The following MKX variants were observed in gnomAD, a reference collection of about 807,000 sequenced individuals.
MKX encodes homeobox protein Mohawk.
MKX carries 13 observed loss-of-function variants against 36.0 expected under a neutral mutation model. The observed-to-expected ratio is 0.36, with a 90% confidence interval of 0.24 to 0.57. The LOEUF is 0.57. MKX is among the 20% of genes least tolerant of loss of function. MKX has a pLI of 0.79. For missense variants in MKX, 458 were observed against 456.4 expected, an observed-to-expected ratio of 1.00 and a Z score of -0.03; for synonymous variants, 176 against 178.3, an observed-to-expected ratio of 0.99 and a Z score of 0.10.
At chr10:27,680,192 T>C (rs1836229526) in intron 5 of MKX, among the ~76,000 whole-genome samples, 1 of 152,162 alleles carries the variant, frequency 6.6e-6, no homozygotes. Context: ...CTATATCTCT[T>C]ACTCTGCAAG....
chr10:27,704,869 C>T (rs1836721028), intron 5 of MKX, among the ~76,000 whole-genome samples: 1 of 151,886 alleles, frequency 6.6e-6, no homozygotes, highest in Non-Finnish European at 1.5e-5. Context: ...AAAATGGCTA[C>T]ATAAGGAAAA....
At chr10:27,740,196 T>G (rs1324661568) in intron 3 of MKX, among the ~76,000 whole-genome samples, 1 of 152,212 alleles carries the variant, frequency 6.6e-6, no homozygotes, top group East Asian at 1.9e-4. Context: ...TAAAGGGAAA[T>G]TTTAAATACT....
intron 5 of MKX, among the ~76,000 whole-genome samples, chr10:27,697,524 T>C (rs1427671956): frequency 2.6e-5 from 4 of 152,198 alleles, no homozygotes; most frequent in Non-Finnish European, 4.4e-5. Context: ...AAATTGAGCC[T>C]CAGAGAAGCC....
In MKX at chr10:27,696,860, T is replaced by C. The variant is rs78352263; in HGVS notation, c.839-21306A>G. Among the ~76,000 whole-genome samples the C allele has an allele frequency of 9.5e-3, 1,441 of 152,152 alleles. 23 individuals carry two copies. The highest frequency in any genetic ancestry group is 0.033 in the African/African-American group (1,373 of 41,524). ...TGTAAAGGTTCTTACTCAAGAAGAG[T>C]ATGGCATTTGAATGTAGGTGACACC... On this transcript the variant is annotated intron_variant, in intron 5 of 6. Transcript: ENST00000419761.
At chr10:27,732,793 G>C (rs1589692949) in intron 5 of MKX, among the ~76,000 whole-genome samples, 1 of 151,972 alleles carries the variant, frequency 6.6e-6, no homozygotes. Flanking sequence ...TGTTCCTCAG[G>C]CTGGTGTGCA....
intron 5 of MKX, among the ~76,000 whole-genome samples, chr10:27,683,861 C>T (rs1836297164): frequency 6.6e-6 from 1 of 152,160 alleles, no homozygotes; most frequent in African/African-American, 2.4e-5. Context: ...CAGTGCCTTA[C>T]CAAATGACCC....
chr10:27,723,980 A>G (rs953344447), intron 5 of MKX, among the ~76,000 whole-genome samples: 3 of 152,176 alleles, frequency 2.0e-5, no homozygotes, highest in Admixed American at 1.3e-4. Context: ...ATATCACTTT[A>G]TGAATGGTTG....
intron 5 of MKX, among the ~76,000 whole-genome samples, chr10:27,705,419 G>A (rs573284695): frequency 2.2e-4 from 33 of 152,088 alleles, no homozygotes; most frequent in Non-Finnish European, 3.2e-4. Flanking sequence ...CAGTGGCACG[G>A]TCATACCTCA....
At chr10:27,681,324 C>T (rs1391115587) in intron 5 of MKX, among the ~76,000 whole-genome samples, 30 of 152,090 alleles carry the variant, frequency 2.0e-4, no homozygotes, top group Non-Finnish European at 1.9e-4. Flanking sequence ...TGGTGCATGC[C>T]TGTAATCCCA....
At chr10:27,689,373 T>A (rs1214566430) in intron 5 of MKX, among the ~76,000 whole-genome samples, 1 of 152,234 alleles carries the variant, frequency 6.6e-6, no homozygotes, top group Non-Finnish European at 1.5e-5. Flanking sequence ...TTAAATATGC[T>A]GCAATGTTCT....
At chr10:27,690,387 A>AAAACAAACC (rs772485954) in intron 5 of MKX, among the ~76,000 whole-genome samples, 22 of 152,088 alleles carry the variant, frequency 1.4e-4, no homozygotes, top group Non-Finnish European at 2.6e-4. Flanking sequence ...AAAACAAAAC[A>AAAACAAACC]AAACAAAACA....
Position 27,694,527 on chromosome 10 carries a change from A to AAAAAT in MKX, c.839-18974_839-18973insATTTT, listed in dbSNP as rs547670335. Among the ~76,000 whole-genome samples, 481 of 114,312 alleles carry AAAAAT rather than the reference A, an allele frequency of 4.2e-3. 7 individuals carry two copies. Among genetic ancestry groups the AAAAAT allele is most frequent in the African/African-American group, 0.015 (454 of 30,072 alleles). The allele number at this position is 114,312 out of a possible 152,430, so 75.0% of individuals were successfully genotyped here. On this transcript the variant is annotated intron_variant, in intron 5 of 6. Transcript: ENST00000419761. ...AACCCCGTCTCTACTAAAAAAAAAA[A>AAAAAT]ATATATATATATATATAAATTAGCC... is the stretch of plus-strand genomic sequence containing the variant.
chr10:27,705,113 A>G (rs1836725650), intron 5 of MKX, among the ~76,000 whole-genome samples: 1 of 152,174 alleles, frequency 6.6e-6, no homozygotes, highest in African/African-American at 2.4e-5. Context: ...AATCAGATGG[A>G]TAAAATAATT....
intron 5 of MKX, among the ~76,000 whole-genome samples, chr10:27,729,771 G>C (rs1564363913): frequency 6.6e-6 from 1 of 152,104 alleles, no homozygotes; most frequent in Non-Finnish European, 1.5e-5. Context: ...CTTCAGTAGA[G>C]AAAGAAATTC....
chr10:27,720,378 A>G (rs940488005), intron 5 of MKX, among the ~76,000 whole-genome samples: 1 of 152,072 alleles, frequency 6.6e-6, no homozygotes, highest in African/African-American at 2.4e-5. Context: ...ATGCAAAATT[A>G]TTAAATAATG....
chr10:27,724,041 T>C (rs566528694), intron 5 of MKX, among the ~76,000 whole-genome samples: 1 of 152,250 alleles, frequency 6.6e-6, no homozygotes, highest in Admixed American at 6.5e-5. Flanking sequence ...ATTTGAGTTC[T>C]GTTTTTCCAT....
intron 5 of MKX, among the ~76,000 whole-genome samples, chr10:27,729,338 G>T (rs931343425): frequency 9.5e-5 from 12 of 126,532 alleles, no homozygotes; most frequent in Non-Finnish European, 1.7e-4. Flanking sequence ...CTATTGCCCA[G>T]ACTGGAGTGC....
At chr10:27,688,161 T>A (rs1437403859) in intron 5 of MKX, among the ~76,000 whole-genome samples, 2 of 151,060 alleles carry the variant, frequency 1.3e-5, no homozygotes, top group African/African-American at 4.9e-5. Flanking sequence ...TGAGCACATA[T>A]ACCAAGCACT....
At chr10:27,687,289 C>G (rs1836374810) in intron 5 of MKX, among the ~76,000 whole-genome samples, 1 of 152,222 alleles carries the variant, frequency 6.6e-6, no homozygotes, top group Non-Finnish European at 1.5e-5. Context: ...CAGGCGTGAG[C>G]CATTGCGCCC....
Sources: gnomAD v4.1 joint callset for allele counts (sites outside exome capture counted in the v4.1 genomes callset) on GRCh38, gnomAD v4.1.1 for gene constraint, MANE v1.5 for transcripts, NCBI Gene and HGNC (gene_info 2026-07-23, HGNC 2026-07-21) for gene names.